RGL3: variants seen among roughly 807,000 people sequenced by gnomAD.
The protein encoded by RGL3 is ral guanine nucleotide dissociation stimulator-like 3.
RGL3 carries 85 observed loss-of-function variants against 90.6 expected under a neutral mutation model. The observed-to-expected ratio is 0.94, with a 90% CI of 0.79 to 1.12. The LOEUF (loss-of-function observed/expected upper bound fraction) is 1.12. Among genes scored for constraint, RGL3 ranks in the 50% most tolerant of loss-of-function variants. The probability of loss-of-function intolerance (pLI) is 0.00; values close to 1 mark genes in which losing one functional copy is unlikely to be tolerated. For missense variants in RGL3, 1,034 were observed against 939.2 expected (o/e 1.10, Z -1.32); for synonymous variants, 408 against 385.5 (o/e 1.06, Z -0.68).
intron 15 of RGL3, 29 bp downstream of exon 15, chr19:11,400,011 C>T: frequency 1.2e-6 from 2 of 1,601,758 alleles, no homozygotes; most frequent in Non-Finnish European, 1.7e-6. Context: ...CCCATGATCC[C>T]CAGTCCCATC....
At position 11,400,265 on chromosome 19, in the gene RGL3, G is replaced by C. The variant is rs1296393012; in HGVS notation, c.1517C>G (p.Ala506Gly). The change falls in exon 14 of 19, where the codon GCT becomes GGT. Residue 506 changes from alanine to glycine, a missense_variant. Physicochemically the swap from Ala to Gly is moderately conservative, Grantham distance 60 (BLOSUM62 0). Transcript: ENST00000380456. ...YRLSRVIEPPAASCPSSPRIR... is the reference protein window; with the variant it reads ...YRLSRVIEPPGASCPSSPRIR... ...GCGTGGGGAGCTGGGGCAGGAGGCA[G>C]CTGGTGGCTCAATGACCCGGGAGAG... 1.9e-6 allele frequency: 3 copies of C among 1,600,000 alleles called. No homozygotes were observed. Among genetic ancestry groups the C allele is most frequent in the South Asian group, 1.1e-5 (1 of 89,176 alleles).
At chr19:11,412,518 A>T (rs1968891546) in intron 5 of RGL3, among the ~76,000 whole-genome samples, 1 of 152,090 alleles carries the variant, frequency 6.6e-6, no homozygotes, top group Non-Finnish European at 1.5e-5. Context: ...TAAAGTTGTT[A>T]AAATAAAATA....
rs1249156051 is a variant in RGL3 at position 11,397,535 on chromosome 19, T to C, written c.1809A>G (p.Arg603=). Residue 603 remains arginine, a synonymous_variant, in exon 17 of 19, where the codon CGA becomes CGG. Transcript: ENST00000380456. The part of the protein sequence containing the change: ...RPFALPLGSP[R]IPLPAQQSSE... Reference sequence around the variant, plus strand: ...AGCTCTGCTGCGCCGGGAGGGGGATTCGAGGGCTGCCCAGAGGCAAAGCGA... The same window carrying C: ...AGCTCTGCTGCGCCGGGAGGGGGATCCGAGGGCTGCCCAGAGGCAAAGCGA... The C allele has an allele frequency of 1.2e-5, 20 of 1,611,954 alleles. No homozygotes were observed. The highest frequency in any genetic ancestry group is 1.7e-5 in the Non-Finnish European group (20 of 1,179,150).
chr19:11,406,564 G>A lies in RGL3; in HGVS notation c.851C>T (p.Ala284Val). 6.4e-7 allele frequency: 1 copy of A among 1,550,486 alleles called. No individual in the cohort carries two copies. The highest frequency in any genetic ancestry group is 8.7e-7 in the Non-Finnish European group (1 of 1,147,604). The change falls in exon 7 of 19, where the codon GCT becomes GTT. Residue 284 changes from alanine to valine, a missense_variant. Coordinates refer to ENST00000380456, the MANE Select transcript of RGL3 (RefSeq NM_001035223.4). The part of the protein sequence containing the change: ...SVWSQRDRPG[A>V]AGASPTVRAT... Reference sequence around the variant, plus strand: ...GCGCACAGTGGGGGAGGCGCCTGCAGCCCCCGGCCGGTCCCTCTGCGACCA... The same window carrying A: ...GCGCACAGTGGGGGAGGCGCCTGCAACCCCCGGCCGGTCCCTCTGCGACCA...
chr19:11,407,709 C>T (rs1307780787), intron 5 of RGL3, among the ~76,000 whole-genome samples: 13 of 146,638 alleles, frequency 8.9e-5, no homozygotes, highest in Admixed American at 6.2e-4. Context: ...TTTTTTAAGA[C>T]GGAGTCTGAC....
chr19:11,416,807 G>A, intron 3 of RGL3, 29 bp downstream of exon 3: 4 of 1,610,760 alleles, frequency 2.5e-6, no homozygotes, highest in Non-Finnish European at 3.4e-6. Flanking sequence ...CTAGGGTGGA[G>A]AATACGGAGG....
At chr19:11,415,140 T>A (rs1487468816) in intron 5 of RGL3, among the ~76,000 whole-genome samples, 1 of 144,912 alleles carries the variant, frequency 6.9e-6, no homozygotes, top group African/African-American at 2.5e-5. Flanking sequence ...AAAAAAAAAA[T>A]AGATAAAAAA....
At position 11,397,333 on chromosome 19, in the gene RGL3, C is replaced by A. The variant is rs764199836; in HGVS notation, c.1925G>T (p.Ser642Ile). 1 of 1,607,844 alleles carries A rather than the reference C, an allele frequency of 6.2e-7. No individual in the cohort carries two copies. The highest frequency in any genetic ancestry group is 1.7e-5 in the Admixed American group (1 of 59,308). ...CTTCTGCAAGGCTCGCCGGACCACG[C>A]TGGGGGCTTTGTCCTGACTGGTCAG... ...ILLTSQDKAP[S>I]VVRRALQKHN... The change falls in exon 18 of 19, where the codon AGC becomes ATC. Residue 642 changes from serine (S) to isoleucine (I), a missense_variant. Ser to Ile is a moderately radical substitution (Grantham distance 142, BLOSUM62 -2). Coordinates refer to ENST00000380456, the MANE Select transcript of RGL3 (RefSeq NM_001035223.4).
chr19:11,401,897 A>G, intron 13 of RGL3, 114 bp downstream of exon 13: 1 of 1,339,202 alleles, frequency 7.5e-7, no homozygotes, highest in South Asian at 1.6e-5. Context: ...GTGGGGGATC[A>G]GGGCTCAAGA....
chr19:11,414,371 TTA>T lies in RGL3; in HGVS notation c.637+1564_637+1565del, dbSNP rs36141298. On this transcript the variant is annotated intron_variant, in intron 5 of 18. Coordinates refer to ENST00000380456, the MANE Select transcript of RGL3 (RefSeq NM_001035223.4). ...TATATATATACCTTTATATATACCT[TTA>T]TATATATATATACCTTTATATATAT... 4.1e-3 allele frequency among the ~76,000 whole-genome samples: 336 copies of T among 82,280 alleles called. 8 individuals are homozygous for T. The East Asian group carries it at 0.044, about 11-fold the overall frequency. 54.0% of individuals were successfully genotyped at this position (82,280 alleles called of 152,430 possible). A position where few individuals can be genotyped will look rare whatever the true frequency, so the allele number is the denominator to read the frequency against.
intron 7 of RGL3, among the ~76,000 whole-genome samples, chr19:11,405,963 C>T (rs1008574231): frequency 6.6e-6 from 1 of 151,124 alleles, no homozygotes; most frequent in East Asian, 2.0e-4. Flanking sequence ...CTCAAGGGCT[C>T]AAGCGATCCT....
intron 5 of RGL3, among the ~76,000 whole-genome samples, chr19:11,410,974 C>T (rs116147532): frequency 0.017 from 2,655 of 151,916 alleles, 86 homozygotes; most frequent in African/African-American, 0.061. Flanking sequence ...TTCGGGAGGC[C>T]GATGTGGGCA....
At chr19:11,412,608 G>A (rs1321231970) in intron 5 of RGL3, among the ~76,000 whole-genome samples, 2 of 152,108 alleles carry the variant, frequency 1.3e-5, no homozygotes, top group East Asian at 3.9e-4. Flanking sequence ...GCTGAGGTAG[G>A]AGGCTCACTT....
chr19:11,401,806 C>T (rs1301047194), intron 13 of RGL3, among the ~76,000 whole-genome samples: 1 of 152,082 alleles, frequency 6.6e-6, no homozygotes, highest in Non-Finnish European at 1.5e-5. Flanking sequence ...CTTGGCCTCC[C>T]AAGTGCTGGG....
At chr19:11,416,208 C>A (rs529449905) in intron 4 of RGL3, 60 bp from the exon 5 acceptor site, 5 of 1,093,218 alleles carry the variant, frequency 4.6e-6, no homozygotes, top group East Asian at 2.7e-5. Context: ...GAATATGACT[C>A]CTGGTACCTT....
chr19:11,419,149 G>T, intron 1 of RGL3, 97 bp downstream of exon 1: 3 of 1,364,526 alleles, frequency 2.2e-6, no homozygotes, highest in Non-Finnish European at 2.0e-6. Flanking sequence ...GGCAAGTTCA[G>T]ATTGGGAGCA....
chr19:11,412,949 G>A (rs1389936668), intron 5 of RGL3, among the ~76,000 whole-genome samples: 2 of 152,002 alleles, frequency 1.3e-5, no homozygotes, highest in African/African-American at 4.8e-5. Flanking sequence ...CTAGGCGACA[G>A]AGCGAGACTC....
Position 11,406,476 on chromosome 19 carries a change from C to A in RGL3, c.939G>T (p.Pro313=), listed in dbSNP as rs79720425. 2 of 1,553,470 alleles carry A rather than the reference C, an allele frequency of 1.3e-6. No individual in the cohort carries two copies. The highest frequency in any genetic ancestry group is 3.9e-5 in the Admixed American group (2 of 51,854). Residue 313 remains proline, a synonymous_variant, in exon 7 of 19, where the codon CCG becomes CCT. Transcript: ENST00000380456. ...GCGCCCTCTGCGGGGCGGCCAAGCC[C>A]GGTGCTCCGAGCACGGAACCCAGCA... ...GCVLGSVLGA[P]GLAAPQRAQR...
intron 5 of RGL3, among the ~76,000 whole-genome samples, chr19:11,414,881 A>C (rs552830022): frequency 6.6e-6 from 1 of 152,190 alleles, no homozygotes; most frequent in South Asian, 2.1e-4. Context: ...TTATGGCTGT[A>C]ATCCCAGCAT....
Sources: gnomAD v4.1 joint callset for allele counts (sites outside exome capture counted in the v4.1 genomes callset) on GRCh38, gnomAD v4.1.1 for gene constraint, MANE v1.5 for transcripts, NCBI Gene and HGNC (gene_info 2026-07-23, HGNC 2026-07-21) for gene names.